MIPOL1: variants seen among roughly 807,000 people sequenced by gnomAD.
The protein encoded by MIPOL1 is mirror-image polydactyly gene 1 protein.
A neutral mutation model predicts 60.9 loss-of-function variants in MIPOL1; 57 were observed. The observed-to-expected ratio is 0.94, with a 90% CI of 0.76 to 1.17. The LOEUF (loss-of-function observed/expected upper bound fraction) is 1.17. MIPOL1 is among the 50% of genes most tolerant of loss of function. The probability of loss-of-function intolerance (pLI) is 0.00; values close to 1 mark genes in which losing one functional copy is unlikely to be tolerated. For synonymous variants in MIPOL1, 179 were observed against 168.8 expected (o/e 1.06, Z -0.47); for missense variants, 551 against 511.6 (o/e 1.08, Z -0.74).
chr14:37,436,393 T>A (rs1420274884), intron 11 of MIPOL1, among the ~76,000 whole-genome samples: 2 of 152,190 alleles, frequency 1.3e-5, no homozygotes, highest in East Asian at 3.8e-4. Context: ...TAATTATAGA[T>A]GTTTTCTTTT....
chr14:37,338,098 A>T (rs4898582), intron 9 of MIPOL1, among the ~76,000 whole-genome samples: 142,643 of 148,618 alleles, frequency 0.96, 68,477 homozygotes, highest in East Asian at 1. Flanking sequence ...CTTTATTTTT[A>T]TTTAATTTAA....
chr14:37,336,545 G>A (rs559325901), intron 9 of MIPOL1, among the ~76,000 whole-genome samples: 6 of 151,106 alleles, frequency 4.0e-5, no homozygotes, highest in Admixed American at 6.6e-5. Context: ...TAAAATTCCC[G>A]TCTCCCTGGT....
At chr14:37,449,561 T>C (rs899008204) in intron 11 of MIPOL1, among the ~76,000 whole-genome samples, 2 of 152,170 alleles carry the variant, frequency 1.3e-5, no homozygotes, top group African/African-American at 4.8e-5. Context: ...GAAACAACAT[T>C]GCTGACCATG....
At chr14:37,322,471 T>A (rs1257538060) in intron 9 of MIPOL1, among the ~76,000 whole-genome samples, 1 of 152,078 alleles carries the variant, frequency 6.6e-6, no homozygotes, top group Admixed American at 6.6e-5. Context: ...TTATTTGTTT[T>A]ACTCTGTTCT....
chr14:37,541,573 A>G (rs2095529827), intron 12 of MIPOL1, among the ~76,000 whole-genome samples: 1 of 152,172 alleles, frequency 6.6e-6, no homozygotes, highest in South Asian at 2.1e-4. Context: ...TCCTTTTTCA[A>G]ATCCCTGGTC....
At chr14:37,339,494 C>CA (rs770284650) in intron 9 of MIPOL1, among the ~76,000 whole-genome samples, 2 of 152,018 alleles carry the variant, frequency 1.3e-5, no homozygotes, top group Non-Finnish European at 2.9e-5. Flanking sequence ...TGCTGTAAGA[C>CA]ATTTAAAGGA....
chr14:37,299,213 C>T (rs528357839), intron 7 of MIPOL1, among the ~76,000 whole-genome samples: 16 of 151,742 alleles, frequency 1.1e-4, no homozygotes, highest in African/African-American at 3.6e-4. Flanking sequence ...AACCAAACAC[C>T]TCATGTTCTC....
In MIPOL1 at chr14:37,495,549, G is replaced by A. The variant is rs1271310300; in HGVS notation, c.1032-4359G>A. Among the ~76,000 whole-genome samples the A allele has an allele frequency of 4.2e-4, 63 of 148,738 alleles. 1 individual carries two copies. In the East Asian group the frequency reaches 0.012, roughly 28 times the overall value. On this transcript the variant is annotated intron_variant, in intron 11 of 12. Coordinates refer to ENST00000684589, the MANE Select transcript of MIPOL1 (RefSeq NM_001388067.1). The stretch of plus-strand genomic sequence containing the variant: ...CTATCATTGTTGGACATTTGGGTTG[G>A]TTCCAAGTCTTTGCTATTGTGAATA...
chr14:37,373,034 C>T (rs1428755891), intron 10 of MIPOL1, among the ~76,000 whole-genome samples: 1 of 152,136 alleles, frequency 6.6e-6, no homozygotes, highest in Non-Finnish European at 1.5e-5. Context: ...GAAACAGTCT[C>T]ACTCAGTCGC....
At chr14:37,435,420 A>G (rs2094148661) in intron 11 of MIPOL1, among the ~76,000 whole-genome samples, 2 of 152,114 alleles carry the variant, frequency 1.3e-5, no homozygotes, top group African/African-American at 2.4e-5. Flanking sequence ...CTCTTACTAC[A>G]TCACTCTATT....
intron 6 of MIPOL1, among the ~76,000 whole-genome samples, chr14:37,280,697 C>T (rs897810027): frequency 1.3e-5 from 2 of 152,040 alleles, no homozygotes; most frequent in African/African-American, 2.4e-5. Context: ...CTCACTCTGT[C>T]GCCCAGGCTG....
chr14:37,275,604 T>G (rs1412085526), intron 6 of MIPOL1, among the ~76,000 whole-genome samples: 2 of 151,280 alleles, frequency 1.3e-5, no homozygotes, highest in Non-Finnish European at 3.0e-5. Context: ...TGTTTTTGTT[T>G]CTTTAATTTT....
At chr14:37,298,661 AG>A (rs1312323303) in intron 7 of MIPOL1, among the ~76,000 whole-genome samples, 1 of 152,234 alleles carries the variant, frequency 6.6e-6, no homozygotes, top group Admixed American at 6.5e-5. Flanking sequence ...ACTTCTCAAA[AG>A]AAGACATTTA....
intron 9 of MIPOL1, among the ~76,000 whole-genome samples, chr14:37,331,312 T>TG (rs1341882083): frequency 2.0e-5 from 3 of 152,272 alleles, no homozygotes; most frequent in African/African-American, 7.2e-5. Context: ...GGTGTTTTGA[T>TG]GGGGATTGCA....
At chr14:37,531,571 T>C (rs190300464) in intron 12 of MIPOL1, among the ~76,000 whole-genome samples, 1 of 152,288 alleles carries the variant, frequency 6.6e-6, no homozygotes. Flanking sequence ...TCAAAATAGG[T>C]ATTTCTACCA....
intron 11 of MIPOL1, among the ~76,000 whole-genome samples, chr14:37,456,880 G>A (rs1361607508): frequency 1.3e-5 from 2 of 152,040 alleles, no homozygotes; most frequent in South Asian, 2.1e-4. Flanking sequence ...ATGAACATAT[G>A]AAAACTCACT....
At chr14:37,320,588 A>G (rs189692917) in intron 9 of MIPOL1, among the ~76,000 whole-genome samples, 206 of 152,046 alleles carry the variant, frequency 1.4e-3, no homozygotes, top group African/African-American at 4.9e-3. Flanking sequence ...TTTGATGGCA[A>G]TAATTCTTAA....
chr14:37,363,519 G>C (rs952397951), intron 9 of MIPOL1, among the ~76,000 whole-genome samples: 1 of 152,142 alleles, frequency 6.6e-6, no homozygotes, highest in Non-Finnish European at 1.5e-5. Context: ...TCCCAGAGGG[G>C]CATCCACCTG....
intron 6 of MIPOL1, among the ~76,000 whole-genome samples, chr14:37,280,188 A>G (rs1322508505): frequency 1.3e-5 from 2 of 152,028 alleles, no homozygotes; most frequent in African/African-American, 4.8e-5. Context: ...ATTGTATTCC[A>G]TTGTACCACA....
Sources: allele counts gnomAD v4.1 joint callset (sites outside exome capture counted in the v4.1 genomes callset), GRCh38; gene constraint gnomAD v4.1.1; transcripts MANE v1.5; gene names NCBI Gene and HGNC (gene_info 2026-07-23, HGNC 2026-07-21).